The following RPS6KA2 variants were observed in gnomAD, a reference collection of about 807,000 sequenced individuals.
RPS6KA2 encodes the protein ribosomal protein S6 kinase A2.
In RPS6KA2, 42 loss-of-function variants were observed where a neutral mutation model predicts 91.8. That is an observed-to-expected ratio of 0.46 (90% CI 0.36 to 0.59). The LOEUF (loss-of-function observed/expected upper bound fraction) is 0.59, where lower values mean the gene tolerates loss of function less well. Among genes scored for constraint, RPS6KA2 ranks in the 20% least tolerant of loss-of-function variants. The pLI, the probability that RPS6KA2 is intolerant of heterozygous loss-of-function variation, is 0.00. For missense variants in RPS6KA2, 798 were observed against 978.5 expected (o/e 0.82, Z 2.46); for synonymous variants, 414 against 393.6 (o/e 1.05, Z -0.61).
At chr6:166,799,281 TAA>T (rs1469226262) in intron 2 of RPS6KA2, among the ~76,000 whole-genome samples, 1 of 152,248 alleles carries the variant, frequency 6.6e-6, no homozygotes. Flanking sequence ...TTTAATTTTA[TAA>T]GAGTCAATTT....
At chr6:166,621,376 G>A (rs1028206611) in intron 1 of RPS6KA2, among the ~76,000 whole-genome samples, 2 of 152,190 alleles carry the variant, frequency 1.3e-5, no homozygotes, top group African/African-American at 4.8e-5. Context: ...TAGCAGGCAA[G>A]GCTTCTCACG....
intron 2 of RPS6KA2, among the ~76,000 whole-genome samples, chr6:166,694,875 T>C (rs7759350): frequency 0.021 from 3,272 of 152,336 alleles, 105 homozygotes; most frequent in African/African-American, 0.073. Context: ...ATCTAATGTA[T>C]TTACCATTCC....
intron 1 of RPS6KA2, among the ~76,000 whole-genome samples, chr6:166,606,135 C>T (rs1178874795): frequency 6.6e-6 from 1 of 152,220 alleles, no homozygotes; most frequent in Non-Finnish European, 1.5e-5. Flanking sequence ...GCAGTTCCAA[C>T]TCCTGCCCTT....
chr6:166,543,874 G>GTGAGAT (rs1554288534), intron 1 of RPS6KA2, among the ~76,000 whole-genome samples: 1 of 151,874 alleles, frequency 6.6e-6, no homozygotes, highest in Non-Finnish European at 1.5e-5. Context: ...GAGTGTGTGT[G>GTGAGAT]AGACAGGTCT....
chr6:166,683,844 G>A (rs1562381399), intron 2 of RPS6KA2, among the ~76,000 whole-genome samples: 1 of 152,238 alleles, frequency 6.6e-6, no homozygotes, highest in Admixed American at 6.5e-5. Flanking sequence ...AGAGCAGCTA[G>A]CGAGAGGTCC....
intron 2 of RPS6KA2, among the ~76,000 whole-genome samples, chr6:166,802,912 A>T (rs561318935): frequency 1.2e-3 from 175 of 143,196 alleles, no homozygotes; most frequent in African/African-American, 4.4e-3. Context: ...TAAACCATAG[A>T]TTATATATAA....
intron 1 of RPS6KA2, among the ~76,000 whole-genome samples, chr6:166,597,915 G>A (rs575765254): frequency 6.6e-6 from 1 of 152,196 alleles, no homozygotes. Context: ...TCATCACCCA[G>A]TTCCTGTCAG....
intron 2 of RPS6KA2, among the ~76,000 whole-genome samples, chr6:166,761,695 A>T (rs528339019): frequency 6.6e-6 from 1 of 152,252 alleles, no homozygotes; most frequent in Admixed American, 6.5e-5. Context: ...ATATCTTTGG[A>T]CCCATAGAGA....
At position 166,563,943 on chromosome 6, in the gene RPS6KA2, C is replaced by T. The variant is rs1055361744; in HGVS notation, c.100-25159G>A. Among the ~76,000 whole-genome samples the T allele has an allele frequency of 5.9e-5, 9 of 152,132 alleles. No homozygotes were observed. The highest frequency in any genetic ancestry group is 2.4e-5 in the African/African-American group (1 of 41,418). The stretch of plus-strand genomic sequence containing the variant: ...GGCAGGAAAGAGGAGACGATTACTC[C>T]GTGTCTCAGCATGAAGAAATGGCAG... On this transcript the variant is annotated intron_variant, in intron 1 of 20. Transcript: ENST00000265678. The surrounding 1 kb of genome is among the most constrained non-coding windows in gnomAD (Gnocchi z 4.1).
intron 1 of RPS6KA2, among the ~76,000 whole-genome samples, chr6:166,601,692 T>A (rs1184113036): frequency 6.6e-6 from 1 of 152,178 alleles, no homozygotes; most frequent in Non-Finnish European, 1.5e-5. Context: ...AAATTGGTTA[T>A]CTTATTTAAA....
At chr6:166,657,233 G>T (rs937226489) in intron 2 of RPS6KA2, among the ~76,000 whole-genome samples, 3 of 151,988 alleles carry the variant, frequency 2.0e-5, no homozygotes, top group African/African-American at 7.2e-5. Context: ...GAAACACACA[G>T]AATAACAAGC....
chr6:166,766,153 C>A (rs1778306269), intron 2 of RPS6KA2, among the ~76,000 whole-genome samples: 1 of 152,128 alleles, frequency 6.6e-6, no homozygotes, highest in Non-Finnish European at 1.5e-5. Context: ...TTGAATATTT[C>A]TTTTCATGTC....
At chr6:166,647,911 T>A (rs563488349) in intron 2 of RPS6KA2, among the ~76,000 whole-genome samples, 1 of 113,804 alleles carries the variant, frequency 8.8e-6, no homozygotes, top group African/African-American at 3.4e-5. Flanking sequence ...CTCACACACA[T>A]GCACATGCTC....
At chr6:166,818,737 T>C (rs972123244) in intron 2 of RPS6KA2, among the ~76,000 whole-genome samples, 1 of 152,198 alleles carries the variant, frequency 6.6e-6, no homozygotes, top group Admixed American at 6.5e-5. Flanking sequence ...CGAGATGTTA[T>C]AATCCAATGC....
At chr6:166,658,898 G>A (rs535751858) in intron 2 of RPS6KA2, among the ~76,000 whole-genome samples, 16 of 152,312 alleles carry the variant, frequency 1.1e-4, no homozygotes, top group African/African-American at 3.9e-4. Flanking sequence ...CATGGGGTGA[G>A]GAGAGCTCTG....
chr6:166,680,150 G>A (rs986677563), intron 2 of RPS6KA2, among the ~76,000 whole-genome samples: 2 of 151,688 alleles, frequency 1.3e-5, no homozygotes, highest in African/African-American at 4.9e-5. Context: ...GTATGTAAAC[G>A]CACCAATCAG....
chr6:166,759,073 G>A (rs1404570447), intron 2 of RPS6KA2, among the ~76,000 whole-genome samples: 1 of 122,194 alleles, frequency 8.2e-6, no homozygotes, highest in African/African-American at 2.8e-5. Flanking sequence ...ATTCGTGTGT[G>A]TGTGTGTGTG....
intron 2 of RPS6KA2, among the ~76,000 whole-genome samples, chr6:166,640,497 G>A (rs919041346): frequency 5.9e-5 from 9 of 152,142 alleles, no homozygotes; most frequent in African/African-American, 1.2e-4. Flanking sequence ...AGGGGAGCTC[G>A]GGAGGAAGCT....
At chr6:166,820,694 A>C (rs9355595) in intron 2 of RPS6KA2, among the ~76,000 whole-genome samples, 95,406 of 152,042 alleles carry the variant, frequency 0.63, 31,372 homozygotes, top group Non-Finnish European at 0.74. Flanking sequence ...GCTGACTTGT[A>C]ATTTTGATTT....
Sources: allele counts gnomAD v4.1 joint callset (sites outside exome capture counted in the v4.1 genomes callset), GRCh38; gene constraint gnomAD v4.1.1; non-coding constraint Gnocchi (gnomAD v3.1); transcripts MANE v1.5; gene names NCBI Gene and HGNC (gene_info 2026-07-23, HGNC 2026-07-21).